CATSPERE: variants seen among roughly 807,000 people sequenced by gnomAD.
The protein encoded by CATSPERE is cation channel sperm-associated auxiliary subunit epsilon.
CATSPERE carries 93 observed loss-of-function variants against 114.1 expected under a neutral mutation model. That is an observed-to-expected ratio of 0.81 (90% CI 0.69 to 0.97). The LOEUF (loss-of-function observed/expected upper bound fraction) is 0.97, where lower values mean the gene tolerates loss of function less well. Among genes scored for constraint, CATSPERE ranks in the 50% least tolerant of loss-of-function variants. The probability of loss-of-function intolerance (pLI) is 0.00; values close to 1 mark genes in which losing one functional copy is unlikely to be tolerated. For synonymous variants in CATSPERE, 341 were observed against 384.1 expected, an observed-to-expected ratio of 0.89 and a Z score of 1.31; for missense variants, 1,058 against 1,131.6, an observed-to-expected ratio of 0.93 and a Z score of 0.93.
Position 244,542,569 on chromosome 1 carries a change from G to T in CATSPERE, c.537-9753G>T, listed in dbSNP as rs115377201. Among the ~76,000 whole-genome samples, 819 of 151,932 alleles carry T rather than the reference G, an allele frequency of 5.4e-3. 8 individuals carry two copies. The highest frequency in any genetic ancestry group is 0.019 in the African/African-American group (783 of 41,446). On this transcript the variant is annotated intron_variant, in intron 8 of 21. Coordinates refer to ENST00000366534, the MANE Select transcript of CATSPERE (RefSeq NM_001130957.2). ...TTGTTTAGCTCCCACTTACTTATAA[G>T]TGAGAACATGCAGTATTTGATTTTC...
At chr1:244,510,064 AT>A (rs772243886) in intron 7 of CATSPERE, among the ~76,000 whole-genome samples, 5 of 152,004 alleles carry the variant, frequency 3.3e-5, no homozygotes, top group Admixed American at 6.5e-5. Context: ...TTTAGTCTCT[AT>A]TTCATTTAGT....
intron 12 of CATSPERE, among the ~76,000 whole-genome samples, chr1:244,582,363 A>AGCATATTTTCCCTAGGAAAAATC (rs1666309138): frequency 1.3e-5 from 2 of 151,774 alleles, no homozygotes; most frequent in South Asian, 4.2e-4. Context: ...TTGGAAAAAT[A>AGCATATTTTCCCTAGGAAAAATC]GCATATTTTC....
At chr1:244,588,011 A>G (rs1667231190) in intron 13 of CATSPERE, among the ~76,000 whole-genome samples, 1 of 152,110 alleles carries the variant, frequency 6.6e-6, no homozygotes, top group South Asian at 2.1e-4. Flanking sequence ...CCTGACCAAC[A>G]TGGTGAAACC....
At chr1:244,495,755 A>G (rs1177947258) in intron 6 of CATSPERE, among the ~76,000 whole-genome samples, 9 of 152,126 alleles carry the variant, frequency 5.9e-5, no homozygotes, top group African/African-American at 1.7e-4. Context: ...TTTAAAATGT[A>G]TAAATGTCTG....
intron 13 of CATSPERE, among the ~76,000 whole-genome samples, chr1:244,585,240 A>T (rs1046509485): frequency 1.3e-5 from 2 of 152,270 alleles, no homozygotes; most frequent in Non-Finnish European, 2.9e-5. Context: ...CATCTATCTT[A>T]TGGGGTTGTT....
Position 244,470,262 on chromosome 1 carries a change from G to T in CATSPERE, c.114+6306G>T, listed in dbSNP as rs75005194. Among the ~76,000 whole-genome samples, 26 of 152,258 alleles carry T rather than the reference G, an allele frequency of 1.7e-4. No individual in the cohort carries two copies. The East Asian group carries it at 4.8e-3, about 28-fold the overall frequency. ...TGAAGACAATTCACAGGATGGGAGA[G>T]AAATTTTGTGATTCATGTATCTTAT... On this transcript the variant is annotated intron_variant, in intron 2 of 21. Coordinates refer to ENST00000366534, the MANE Select transcript of CATSPERE (RefSeq NM_001130957.2).
chr1:244,470,304 G>T (rs899561834), intron 2 of CATSPERE, among the ~76,000 whole-genome samples: 1 of 152,150 alleles, frequency 6.6e-6, no homozygotes, highest in African/African-American at 2.4e-5. Flanking sequence ...CTTGTTTTTA[G>T]ATATATAAAG....
chr1:244,559,958 C>A (rs1232670024), intron 9 of CATSPERE, among the ~76,000 whole-genome samples: 1 of 151,920 alleles, frequency 6.6e-6, no homozygotes, highest in Admixed American at 6.6e-5. Flanking sequence ...TATATTGAAA[C>A]AAATCAAACC....
At chr1:244,499,640 A>G (rs1397084173) in intron 7 of CATSPERE, among the ~76,000 whole-genome samples, 3 of 152,112 alleles carry the variant, frequency 2.0e-5, no homozygotes, top group Non-Finnish European at 2.9e-5. Flanking sequence ...GATGGTTTCC[A>G]GTTTCATCCA....
intron 17 of CATSPERE, among the ~76,000 whole-genome samples, chr1:244,597,841 G>A (rs1198382293): frequency 6.6e-6 from 1 of 152,194 alleles, no homozygotes; most frequent in East Asian, 1.9e-4. Flanking sequence ...ATAAGTGTGA[G>A]AAGTGTTTTC....
chr1:244,595,932 C>CAAAAAAAAAAAAAAAAAAAAAAA (rs1668351970), intron 17 of CATSPERE, among the ~76,000 whole-genome samples: 1 of 150,122 alleles, frequency 6.7e-6, no homozygotes, highest in Non-Finnish European at 1.5e-5. Flanking sequence ...GACTCCGTCT[C>CAAAAAAAAAAAAAAAAAAAAAAA]AAAAAAGAAA....
At chr1:244,489,718 A>C (rs1427765541) in intron 5 of CATSPERE, among the ~76,000 whole-genome samples, 1 of 151,986 alleles carries the variant, frequency 6.6e-6, no homozygotes, top group Non-Finnish European at 1.5e-5. Context: ...CAGGGTATGG[A>C]TTAACTGTGC....
At chr1:244,598,167 G>A (rs921426148) in intron 17 of CATSPERE, among the ~76,000 whole-genome samples, 2 of 152,146 alleles carry the variant, frequency 1.3e-5, no homozygotes, top group Non-Finnish European at 2.9e-5. Flanking sequence ...AAAGTTGGAC[G>A]TTTCTCATCA....
rs372397620 is a variant in CATSPERE at position 244,568,535 on chromosome 1, G to A, written c.1508-3795G>A. Among the ~76,000 whole-genome samples, 2 of 152,226 alleles carry A rather than the reference G, an allele frequency of 1.3e-5. No individual in the cohort carries two copies. The highest frequency in any genetic ancestry group is 2.4e-5 in the African/African-American group (1 of 41,462). On this transcript the variant is annotated intron_variant, in intron 10 of 21. Coordinates refer to ENST00000366534, the MANE Select transcript of CATSPERE (RefSeq NM_001130957.2). This position sits in a 1 kb window ranked among gnomAD's most constrained non-coding sequence, Gnocchi z 4.4. Reference sequence around the variant, plus strand: ...GCTGCTGCCTTTCTTTCAGAGATGCGCTGCCCAGAGAGGAGGAATCTAGAG... The same window carrying A: ...GCTGCTGCCTTTCTTTCAGAGATGCACTGCCCAGAGAGGAGGAATCTAGAG...
chr1:244,472,763 C>G (rs1668700715), intron 2 of CATSPERE, among the ~76,000 whole-genome samples: 1 of 152,170 alleles, frequency 6.6e-6, no homozygotes, highest in African/African-American at 2.4e-5. Context: ...CCTAAAAATT[C>G]TCTCTGCTCT....
At chr1:244,532,400 G>C (rs903752026) in intron 8 of CATSPERE, among the ~76,000 whole-genome samples, 2 of 151,878 alleles carry the variant, frequency 1.3e-5, no homozygotes, top group African/African-American at 4.8e-5. Context: ...GTATCATTAG[G>C]TTGTTTATTT....
chr1:244,506,924 C>T (rs1204076664), intron 7 of CATSPERE, among the ~76,000 whole-genome samples: 1 of 152,130 alleles, frequency 6.6e-6, no homozygotes, highest in East Asian at 1.9e-4. Context: ...ACCAGCCTTC[C>T]CAGCATCTGG....
chr1:244,470,290 T>C (rs1321492927), intron 2 of CATSPERE, among the ~76,000 whole-genome samples: 1 of 152,244 alleles, frequency 6.6e-6, no homozygotes, highest in African/African-American at 2.4e-5. Context: ...TATCTTATTA[T>C]GGACTTGTTT....
At chr1:244,620,138 C>T (rs1164905998) in intron 20 of CATSPERE, among the ~76,000 whole-genome samples, 4 of 152,124 alleles carry the variant, frequency 2.6e-5, no homozygotes, top group African/African-American at 9.7e-5. Context: ...TTTGATTTCT[C>T]GTAAAAGGTG....
Sources: allele counts gnomAD v4.1 joint callset (sites outside exome capture counted in the v4.1 genomes callset), GRCh38; gene constraint gnomAD v4.1.1; non-coding constraint Gnocchi (gnomAD v3.1); transcripts MANE v1.5; gene names NCBI Gene and HGNC (gene_info 2026-07-23, HGNC 2026-07-21).